Variants in RIMKLB observed in about 807,000 individuals in gnomAD.
RIMKLB encodes beta-citrylglutamate synthase B.
Under a neutral mutation model 32.0 loss-of-function variants are expected in RIMKLB, and 7 were observed. The observed-to-expected ratio is 0.22, with a 90% CI of 0.12 to 0.41. The LOEUF (loss-of-function observed/expected upper bound fraction) is 0.41, where lower values mean the gene tolerates loss of function less well. Among genes scored for constraint, RIMKLB ranks in the 10% least tolerant of loss-of-function variants. RIMKLB has a pLI of 1.00. For synonymous variants in RIMKLB, 172 were observed against 185.1 expected (o/e 0.93, Z 0.57); for missense variants, 289 against 498.7 (o/e 0.58, Z 4.00).
intron 2 of RIMKLB, among the ~76,000 whole-genome samples, chr12:8,740,857 G>C (rs1947440322): frequency 6.6e-6 from 1 of 152,156 alleles, no homozygotes; most frequent in South Asian, 2.1e-4. Context: ...CAGATCACTT[G>C]AGGTCAGGAG....
chr12:8,680,457 C>A (rs147083534), upstream of RIMKLB, among the ~76,000 whole-genome samples: 197 of 152,366 alleles, frequency 1.3e-3, 1 homozygote, highest in East Asian at 0.016. Context: ...CCGCGCCCAG[C>A]CAGCCACCCC....
chr12:8,709,884 A>G (rs763635583), intron 1 of RIMKLB, among the ~76,000 whole-genome samples: 1 of 148,068 alleles, frequency 6.8e-6, no homozygotes, highest in African/African-American at 2.7e-5. Flanking sequence ...TATATGTACT[A>G]TCTGCAGTTT....
upstream of RIMKLB, among the ~76,000 whole-genome samples, chr12:8,694,508 T>C (rs1179615924): frequency 6.6e-6 from 1 of 150,736 alleles, no homozygotes; most frequent in Non-Finnish European, 1.5e-5. Context: ...ATTCTCCTGC[T>C]TCAGCCTCCC....
intron 2 of RIMKLB, among the ~76,000 whole-genome samples, chr12:8,716,431 CTTTTT>C (rs11307521): frequency 6.1e-5 from 5 of 81,682 alleles, no homozygotes; most frequent in Admixed American, 1.4e-4. Flanking sequence ...ATTAACATGT[CTTTTT>C]TTTTTTTTTT....
chr12:8,716,725 CTTTTTTTTTTTTT>C (rs71451981), intron 2 of RIMKLB, among the ~76,000 whole-genome samples: 1 of 95,158 alleles, frequency 1.1e-5, no homozygotes, highest in Non-Finnish European at 2.0e-5. Flanking sequence ...TCTTTTCCTT[CTTTTTTTTTTTTT>C]TTTTTTTTTT....
At chr12:8,723,733 G>A (rs776981224) in intron 2 of RIMKLB, among the ~76,000 whole-genome samples, 8 of 150,230 alleles carry the variant, frequency 5.3e-5, no homozygotes, top group Non-Finnish European at 8.9e-5. Context: ...TACTCCTTCC[G>A]GAATATCCAT....
intron 5 of RIMKLB, among the ~76,000 whole-genome samples, chr12:8,758,451 TGTCA>T (rs1167807942): frequency 6.6e-6 from 1 of 152,162 alleles, no homozygotes; most frequent in African/African-American, 2.4e-5. Context: ...CAAATTCTTC[TGTCA>T]GTTATATGAA....
intron 2 of RIMKLB, among the ~76,000 whole-genome samples, chr12:8,725,436 C>T (rs769967550): frequency 6.6e-6 from 1 of 152,098 alleles, no homozygotes; most frequent in East Asian, 1.9e-4. Context: ...CGCCAGCACG[C>T]GCAGCTAATT....
At chr12:8,732,093 T>C (rs1591791343) in intron 2 of RIMKLB, among the ~76,000 whole-genome samples, 1 of 152,038 alleles carries the variant, frequency 6.6e-6, no homozygotes, top group East Asian at 1.9e-4. Flanking sequence ...GGCCTAGAAC[T>C]AGAACTAGAA....
intron 2 of RIMKLB, among the ~76,000 whole-genome samples, chr12:8,731,700 G>T (rs755152458): frequency 1.1e-4 from 16 of 152,040 alleles, no homozygotes; most frequent in Admixed American, 9.8e-4. Context: ...TTTTATTTTG[G>T]CATCTTATAT....
chr12:8,750,667 A>G (rs904650574), intron 3 of RIMKLB, among the ~76,000 whole-genome samples: 2 of 152,044 alleles, frequency 1.3e-5, no homozygotes, highest in African/African-American at 4.8e-5. Flanking sequence ...ATTAATACTC[A>G]TGTAAAATAT....
At position 8,739,123 on chromosome 12, in the gene RIMKLB, C is replaced by A. The variant is rs139699821; in HGVS notation, c.176-10739C>A. Among the ~76,000 whole-genome samples the A allele has an allele frequency of 2.0e-3, 303 of 152,186 alleles. 1 individual carries two copies. Among genetic ancestry groups the A allele is most frequent in the African/African-American group, 7.0e-3 (292 of 41,524 alleles). ...TAGTTTGGGCTGCTATAACAAATTA[C>A]CATAGACTGGATAGCTTAAACAACA... On this transcript the variant is annotated intron_variant, in intron 2 of 5. Coordinates refer to ENST00000535829, the MANE Select transcript of RIMKLB (RefSeq NM_001297776.2).
intron 3 of RIMKLB, 39 bp from the exon 4 acceptor site, chr12:8,751,918 G>A: frequency 1.6e-6 from 2 of 1,249,584 alleles, no homozygotes; most frequent in Non-Finnish European, 2.4e-6. Flanking sequence ...AAATACTTCT[G>A]CTGCTGTTTG....
At chr12:8,705,874 G>A (rs776177103) in intron 1 of RIMKLB, among the ~76,000 whole-genome samples, 1 of 152,126 alleles carries the variant, frequency 6.6e-6, no homozygotes, top group African/African-American at 2.4e-5. Context: ...GAGTCTTGAG[G>A]AAGAGTTCCT....
chr12:8,779,638 T>C (rs1950920245), downstream of RIMKLB: 1 of 152,198 alleles, frequency 6.6e-6, no homozygotes, highest in South Asian at 2.1e-4. Flanking sequence ...CTACATATTT[T>C]TATCTTGATG....
chr12:8,763,147 C>T (rs917150869), intron 5 of RIMKLB, among the ~76,000 whole-genome samples: 2 of 152,246 alleles, frequency 1.3e-5, no homozygotes, highest in Admixed American at 6.5e-5. Context: ...GATCCTAAGA[C>T]TGCTACTGCT....
chr12:8,694,813 T>C (rs768657301), upstream of RIMKLB, among the ~76,000 whole-genome samples: 20 of 152,246 alleles, frequency 1.3e-4, no homozygotes, highest in Non-Finnish European at 1.8e-4. Context: ...GAGTTGGTCT[T>C]ACACTCATAG....
intron 2 of RIMKLB, chr12:8,742,526 CT>C: frequency 5.1e-6 from 2 of 392,590 alleles, no homozygotes; most frequent in South Asian, 2.0e-5. Flanking sequence ...CCACCCTTCA[CT>C]TTCAGATGGA....
intron 1 of RIMKLB, among the ~76,000 whole-genome samples, chr12:8,708,112 A>G (rs1055180792): frequency 5.9e-5 from 9 of 152,248 alleles, no homozygotes; most frequent in South Asian, 2.1e-4. Context: ...AGATTCCATT[A>G]TGTGTTACAG....
Sources: gnomAD v4.1 joint callset for allele counts (sites outside exome capture counted in the v4.1 genomes callset) on GRCh38, gnomAD v4.1.1 for gene constraint, MANE v1.5 for transcripts, NCBI Gene and HGNC (gene_info 2026-07-23, HGNC 2026-07-21) for gene names.